The following DENND3 variants were observed in gnomAD, a reference collection of about 807,000 sequenced individuals.
The protein encoded by DENND3 is DENN domain-containing protein 3.
A neutral mutation model predicts 135.1 loss-of-function variants in DENND3; 88 were observed. The observed-to-expected ratio is 0.65, with a 90% CI of 0.55 to 0.78. The LOEUF (loss-of-function observed/expected upper bound fraction) is 0.78. Ranked by LOEUF, DENND3 falls within the 30% of genes least tolerant of loss-of-function variation. The probability of loss-of-function intolerance (pLI) is 0.00; values close to 1 mark genes in which losing one functional copy is unlikely to be tolerated. For synonymous variants in DENND3, 693 were observed against 712.3 expected (o/e 0.97, Z 0.43); for missense variants, 1,392 against 1,688.4 (o/e 0.82, Z 3.08).
chr8:141,176,946 G>A (rs1822451999), intron 15 of DENND3, 185 bp downstream of exon 15: 1 of 653,984 alleles, frequency 1.5e-6, no homozygotes, highest in Non-Finnish European at 2.6e-6. Context: ...GTGACCCAGC[G>A]AGAGGCCTCA....
chr8:141,190,275 T>C lies in DENND3; in HGVS notation c.3246-9T>C, dbSNP rs748801495. 1.9e-6 allele frequency: 3 copies of C among 1,579,050 alleles called. No homozygotes were observed. Among genetic ancestry groups the C allele is most frequent in the Non-Finnish European group, 2.6e-6 (3 of 1,160,212 alleles). ...GTTAAAGGTGTGTGTGTGTGTTTTGTGCCCCCAGCAACGTGTACTCGTGCA... is the reference window on the plus strand; with the variant it reads ...GTTAAAGGTGTGTGTGTGTGTTTTGCGCCCCCAGCAACGTGTACTCGTGCA... On this transcript the variant is annotated splice_polypyrimidine_tract_variant and intron_variant, in intron 19 of 22. Coordinates refer to ENST00000519811, the MANE Select transcript of DENND3 (RefSeq NM_001352890.3).
chr8:141,177,662 G>T, intron 15 of DENND3: 1 of 163,016 alleles, frequency 6.1e-6, no homozygotes, highest in Non-Finnish European at 1.3e-5. Flanking sequence ...GCATAAACCA[G>T]CATAGTCAAA....
At position 141,176,556 on chromosome 8, in the gene DENND3, G is replaced by A. The variant is rs369598423; in HGVS notation, c.2536-35G>A. ...TGGTGAATCCACGTGTTCTCTGAGT[G>A]TGACATTCCTAACTTTTCTTTTCTG... On this transcript the variant is annotated intron_variant, in intron 14 of 22. Coordinates refer to ENST00000519811, the MANE Select transcript of DENND3 (RefSeq NM_001352890.3). The A allele has an allele frequency of 4.3e-6, 7 of 1,613,568 alleles. No individual in the cohort carries two copies. In the African/African-American group the frequency reaches 5.3e-5, roughly 12 times the overall value.
rs1034233168 is a variant in DENND3 at position 141,168,601 on chromosome 8, G to C, written c.2275+76G>C. 119 of 1,499,970 alleles carry C rather than the reference G, an allele frequency of 7.9e-5. No homozygotes were observed. The highest frequency in any genetic ancestry group is 9.5e-5 in the Non-Finnish European group (106 of 1,121,150). The allele number at this position is 1,499,970 out of a possible 1,614,324, so 92.9% of individuals were successfully genotyped here. A position where few individuals can be genotyped will look rare whatever the true frequency, so the allele number is the denominator to read the frequency against. On this transcript the variant is annotated intron_variant, in intron 13 of 22. Transcript: ENST00000519811. This position sits in a 1 kb window ranked among gnomAD's most constrained non-coding sequence, Gnocchi z 6.2. ...CTGGCTCTGTCGCCCAGGCTGGAGTGGACTGGCAATCACAGCTCACTGCAA... is the reference window on the plus strand; with the variant it reads ...CTGGCTCTGTCGCCCAGGCTGGAGTCGACTGGCAATCACAGCTCACTGCAA...
Position 141,175,309 on chromosome 8 carries a change from C to A in DENND3, c.2385C>A (p.His795Gln). ...EVSLPWLVME[H>Q]LDKNECVCKL... ...GTCTGCCGTGGCTGGTGATGGAACA[C>A]CTGGATAAAAACGAGTGTGTGTGTA... is the stretch of plus-strand genomic sequence containing the variant. The change falls in exon 14 of 23, where the codon CAC becomes CAA. Residue 795 changes from histidine to glutamine, a missense_variant. His to Gln is a conservative substitution (Grantham distance 24, BLOSUM62 0). Transcript: ENST00000519811. This position sits in a 1 kb window ranked among gnomAD's most constrained non-coding sequence, Gnocchi z 5.4. 1.2e-6 allele frequency: 2 copies of A among 1,614,182 alleles called. No individual in the cohort carries two copies. Among genetic ancestry groups the A allele is most frequent in the South Asian group, 2.2e-5 (2 of 91,078 alleles).
At position 141,185,201 on chromosome 8, in the gene DENND3, G is replaced by A. The variant is rs749614133; in HGVS notation, c.3007G>A (p.Glu1003Lys). The change falls in exon 18 of 23, where the codon GAA (glutamate) becomes AAA (lysine). Residue 1003 changes from glutamate (E) to lysine (K), a missense_variant. By Grantham distance (56) the Glu-to-Lys change is moderately conservative (BLOSUM62 1). Transcript: ENST00000519811. ...CCCCAAGTTATGGTGTGCTCTGAGC[G>A]AAGGCAAGGTGACCGTGTTCAATGC... ...AHPKLWCALS[E>K]GKVTVFNASS... 32 of 1,614,114 alleles carry A rather than the reference G, an allele frequency of 2.0e-5. No homozygotes were observed. The Middle Eastern group carries it at 8.2e-4, about 41-fold the overall frequency.
At position 141,166,028 on chromosome 8, in the gene DENND3, C is replaced by T. The variant is rs564300137; in HGVS notation, c.1554-162C>T. 8.5e-5 allele frequency among the ~76,000 whole-genome samples: 13 copies of T among 152,284 alleles called. No homozygotes were observed. Among genetic ancestry groups the T allele is most frequent in the Non-Finnish European group, 1.9e-4 (13 of 68,034 alleles). On this transcript the variant is annotated intron_variant, in intron 11 of 22. Transcript: ENST00000519811. The surrounding 1 kb of genome is among the most constrained non-coding windows in gnomAD (Gnocchi z 4.3). Reference sequence around the variant, plus strand: ...TTGTGTCTGGGTCCCCCTGAGGCTGCACTTGGTGAGATTTGGGCAACATGT... The same window carrying T: ...TTGTGTCTGGGTCCCCCTGAGGCTGTACTTGGTGAGATTTGGGCAACATGT...
intron 9 of DENND3, 33 bp downstream of exon 9, chr8:141,160,820 G>A (rs1486594972): frequency 1.9e-6 from 3 of 1,587,096 alleles, no homozygotes; most frequent in South Asian, 1.1e-5. Context: ...TGTCCATGAG[G>A]AGGTAACCAG....
At chr8:141,192,046 AT>A (rs1327523169) in intron 20 of DENND3, 12 of 340,688 alleles carry the variant, frequency 3.5e-5, no homozygotes, top group Non-Finnish European at 4.9e-5. Context: ...ATTCTTTAAG[AT>A]TTTTGCTTAA....
At chr8:141,184,471 T>C (rs748585884) in intron 17 of DENND3, 1 of 151,176 alleles carries the variant, frequency 6.6e-6, no homozygotes, top group Non-Finnish European at 1.5e-5. Flanking sequence ...ACCTCGTCTA[T>C]TAAAAAGTAA....
chr8:141,145,826 TATATATATATATA>T lies in DENND3; in HGVS notation c.735+1568_735+1580del, dbSNP rs1817991215. On this transcript the variant is annotated intron_variant, in intron 5 of 22. Coordinates refer to ENST00000519811, the MANE Select transcript of DENND3 (RefSeq NM_001352890.3). ...TATTATATATATATATATATATATATATATATATATATATATATATATATGTATTTTTTTTTTT... is the reference window on the plus strand; with the variant it reads ...TATTATATATATATATATATATATATTATATATATATGTATTTTTTTTTTT... Among the ~76,000 whole-genome samples, 41 of 60,156 alleles carry T rather than the reference TATATATATATATA, an allele frequency of 6.8e-4. 1 individual carries two copies. The highest frequency in any genetic ancestry group is 2.7e-3 in the African/African-American group (40 of 15,036). The allele number at this position is 60,156 out of a possible 152,430, so 39.5% of individuals were successfully genotyped here.
At chr8:141,176,858 G>A (rs1036791226) in intron 15 of DENND3, 97 bp downstream of exon 15, 44 of 1,411,868 alleles carry the variant, frequency 3.1e-5, no homozygotes, top group East Asian at 2.3e-4. Context: ...GTGAGTGCTC[G>A]GGCTCGGGTC....
Position 141,128,788 on chromosome 8 carries a change from CAGTCTCCGA to C in DENND3, c.88_96del (p.Arg30_Leu32del). 1 of 1,457,010 alleles carries C rather than the reference CAGTCTCCGA, an allele frequency of 6.9e-7. No individual in the cohort carries two copies. Among genetic ancestry groups the C allele is most frequent in the Non-Finnish European group, 9.1e-7 (1 of 1,104,360 alleles). The allele number at this position is 1,457,010 out of a possible 1,614,324, so 90.3% of individuals were successfully genotyped here. A position where few individuals can be genotyped will look rare whatever the true frequency, so the allele number is the denominator to read the frequency against. Reference sequence around the variant, plus strand: ...GCGCGCTGCTGGGCGCCCCCCGGGACAGTCTCCGAAGTCTCGAGCAGGTGAGGGGCGGGG... The same window carrying C: ...GCGCGCTGCTGGGCGCCCCCCGGGACAGTCTCGAGCAGGTGAGGGGCGGGG... On this transcript the variant is annotated inframe_deletion, in exon 1 of 23. Transcript: ENST00000519811. This position sits in a 1 kb window ranked among gnomAD's most constrained non-coding sequence, Gnocchi z 4.5.
intron 9 of DENND3, among the ~76,000 whole-genome samples, chr8:141,162,606 C>T (rs1042862655): frequency 6.6e-5 from 10 of 151,964 alleles, no homozygotes; most frequent in South Asian, 2.1e-4. Context: ...GCTAAAATCG[C>T]GAGTTTGTAA....
Position 141,130,057 on chromosome 8 carries a change from C to T in DENND3, c.102+1248C>T, listed in dbSNP as rs563282701. 2 of 152,320 alleles carry T rather than the reference C, an allele frequency of 1.3e-5. No individual in the cohort carries two copies. The highest frequency in any genetic ancestry group is 4.1e-4 in the South Asian group (2 of 4,834). 9.4% of individuals were successfully genotyped at this position (152,320 alleles called of 1,614,324 possible). On this transcript the variant is annotated intron_variant, in intron 1 of 22. Coordinates refer to ENST00000519811, the MANE Select transcript of DENND3 (RefSeq NM_001352890.3). This position sits in a 1 kb window ranked among gnomAD's most constrained non-coding sequence, Gnocchi z 4.2. ...TGCCAGATGGCATCTCCTCCTTTTT[C>T]TTCGAATAGGAAGTGACCTAGTTGC...
Position 141,190,150 on chromosome 8 carries a change from A to G in DENND3, c.3246-134A>G, listed in dbSNP as rs1196831396. 22 of 1,196,540 alleles carry G rather than the reference A, an allele frequency of 1.8e-5. 1 individual carries two copies. The Admixed American group carries it at 6.8e-4, about 37-fold the overall frequency. 74.1% of individuals were successfully genotyped at this position (1,196,540 alleles called of 1,614,324 possible). On this transcript the variant is annotated intron_variant, in intron 19 of 22. Transcript: ENST00000519811. ...TTGCAGGTTATTATGTTTGCATGTT[A>G]TTATCATGTTTGCAGGTTATCCGTG...
In DENND3 at chr8:141,168,470, A is replaced by G; in HGVS notation, c.2220A>G (p.Ser740=). Residue 740 remains serine (S), a synonymous_variant, in exon 13 of 23, where the codon TCA becomes TCG. Transcript: ENST00000519811. The surrounding 1 kb of genome is among the most constrained non-coding windows in gnomAD (Gnocchi z 6.2). ...ACTTCATGAAGCGGGTCCAGGAGTC[A>G]GGGATCGTGAAGGACGCCAGCATCA... is the stretch of plus-strand genomic sequence containing the variant. ...LGDFMKRVQE[S]GIVKDASIIH... The G allele has an allele frequency of 6.2e-7, 1 of 1,613,602 alleles. No homozygotes were observed.
Position 141,138,389 on chromosome 8 carries a change from C to CT in DENND3, c.501+263dup, listed in dbSNP as rs549087935. Among the ~76,000 whole-genome samples the CT allele has an allele frequency of 8.9e-3, 1,290 of 145,674 alleles. 19 individuals carry two copies. Among genetic ancestry groups the CT allele is most frequent in the African/African-American group, 0.025 (1,002 of 39,960 alleles). On this transcript the variant is annotated intron_variant, in intron 3 of 22. Coordinates refer to ENST00000519811, the MANE Select transcript of DENND3 (RefSeq NM_001352890.3). This position sits in a 1 kb window ranked among gnomAD's most constrained non-coding sequence, Gnocchi z 4.8. ...TGCCTGGCGATGGCTAATCTGCTTG[C>CT]TTTTTTTTTTTATTGAGATGGAGTC...
In DENND3 at chr8:141,194,571, G is replaced by T; in HGVS notation, c.*338G>T. 3 of 321,156 alleles carry T rather than the reference G, an allele frequency of 9.3e-6. No individual in the cohort carries two copies. The highest frequency in any genetic ancestry group is 1.2e-5 in the Non-Finnish European group (2 of 167,616). 19.9% of individuals were successfully genotyped at this position (321,156 alleles called of 1,614,324 possible). A position where few individuals can be genotyped will look rare whatever the true frequency, so the allele number is the denominator to read the frequency against. On this transcript the variant is annotated 3_prime_UTR_variant, in exon 23 of 23. Coordinates refer to ENST00000519811, the MANE Select transcript of DENND3 (RefSeq NM_001352890.3). ...CCAGGGGCTGGCACTGGAGCCAGCA[G>T]CTTGGCCGAGTCACAGGTGACCCGT...
Sources: gnomAD v4.1 joint callset for allele counts (sites outside exome capture counted in the v4.1 genomes callset) on GRCh38, gnomAD v4.1.1 for gene constraint, Gnocchi (gnomAD v3.1) non-coding constraint, MANE v1.5 for transcripts, NCBI Gene and HGNC (gene_info 2026-07-23, HGNC 2026-07-21) for gene names.